Variants in COL21A1 observed in about 807,000 individuals in gnomAD.
COL21A1 encodes the protein collagen type XXI alpha 1 chain.
Under a neutral mutation model 137.9 loss-of-function variants are expected in COL21A1, and 149 were observed. The ratio of observed to expected loss-of-function variants is 1.08; its 90% confidence interval spans 0.95 to 1.24. The LOEUF (loss-of-function observed/expected upper bound fraction) is 1.24. Ranked by LOEUF, COL21A1 falls within the 50% of genes most tolerant of loss-of-function variation. The pLI is 0.00. For synonymous variants in COL21A1, 456 were observed against 391.5 expected (o/e 1.16, Z -1.95); for missense variants, 1,167 against 1,158.4 (o/e 1.01, Z -0.11).
chr6:56,355,220 G>A (rs548482025), intron 1 of COL21A1, among the ~76,000 whole-genome samples: 2 of 152,288 alleles, frequency 1.3e-5, no homozygotes, highest in South Asian at 4.1e-4. Flanking sequence ...ACCCGCTATG[G>A]AATAGTGCTG....
At chr6:56,170,004 A>G (rs747065695) in intron 5 of COL21A1, among the ~76,000 whole-genome samples, 1 of 151,912 alleles carries the variant, frequency 6.6e-6, no homozygotes, top group Admixed American at 6.6e-5. Context: ...ATGGCTTTAG[A>G]CTATCATAAT....
At chr6:56,193,041 C>A (rs1778797038) in intron 1 of COL21A1, among the ~76,000 whole-genome samples, 1 of 152,148 alleles carries the variant, frequency 6.6e-6, no homozygotes, top group Non-Finnish European at 1.5e-5. Flanking sequence ...CTGGGAATCA[C>A]CATTCTCGGC....
chr6:56,112,426 C>T (rs912052374), intron 16 of COL21A1, among the ~76,000 whole-genome samples: 5 of 152,170 alleles, frequency 3.3e-5, no homozygotes, highest in African/African-American at 7.2e-5. Context: ...TGAGCACTCA[C>T]AGTACCTGGT....
At chr6:56,067,393 A>G (rs1766362161) in intron 22 of COL21A1, 63 bp from the exon 23 acceptor site, 1 of 1,460,536 alleles carries the variant, frequency 6.8e-7, no homozygotes, top group Non-Finnish European at 9.5e-7. Context: ...TCAAATAAAC[A>G]TATATTTTTC....
chr6:56,077,780 T>C, intron 17 of COL21A1: 2 of 488,930 alleles, frequency 4.1e-6, no homozygotes, highest in Non-Finnish European at 7.2e-6. Flanking sequence ...TATTTAGAGC[T>C]TTAAATAAAG....
intron 20 of COL21A1, among the ~76,000 whole-genome samples, chr6:56,071,721 T>C (rs1005542607): frequency 3.3e-5 from 5 of 151,680 alleles, no homozygotes; most frequent in African/African-American, 7.3e-5. Flanking sequence ...TTTCTAATTT[T>C]ATAAGTTATT....
chr6:56,281,462 T>C (rs1763783693), intron 1 of COL21A1, among the ~76,000 whole-genome samples: 1 of 152,160 alleles, frequency 6.6e-6, no homozygotes, highest in Admixed American at 6.6e-5. Flanking sequence ...ACCACTATTA[T>C]CATTATCATC....
intron 1 of COL21A1, among the ~76,000 whole-genome samples, chr6:56,269,060 A>C (rs1034533896): frequency 5.3e-5 from 8 of 152,242 alleles, no homozygotes; most frequent in Non-Finnish European, 8.8e-5. Context: ...ACTCACATAA[A>C]AATAAATCAA....
chr6:56,122,039 G>A (rs895045703), intron 16 of COL21A1, among the ~76,000 whole-genome samples: 3 of 151,882 alleles, frequency 2.0e-5, no homozygotes, highest in Non-Finnish European at 4.4e-5. Context: ...TGAACCAAGT[G>A]ATATATTCCT....
chr6:56,319,773 G>A (rs1341237823), intron 1 of COL21A1, among the ~76,000 whole-genome samples: 1 of 152,118 alleles, frequency 6.6e-6, no homozygotes, highest in Non-Finnish European at 1.5e-5. Flanking sequence ...GAAAGCTTAG[G>A]AGTTTAGCCA....
intron 2 of COL21A1, among the ~76,000 whole-genome samples, chr6:56,182,221 T>C (rs1777953378): frequency 6.6e-6 from 1 of 152,160 alleles, no homozygotes; most frequent in Non-Finnish European, 1.5e-5. Flanking sequence ...ATAACCAATC[T>C]AGAAGGCTTT....
chr6:56,317,418 G>GTCA (rs1205821827), intron 1 of COL21A1, among the ~76,000 whole-genome samples: 17 of 152,102 alleles, frequency 1.1e-4, no homozygotes, highest in Non-Finnish European at 2.4e-4. Context: ...TTATATTGCA[G>GTCA]TCATCTTCAG....
intron 1 of COL21A1, among the ~76,000 whole-genome samples, chr6:56,212,904 C>T (rs1780260994): frequency 6.6e-6 from 1 of 151,904 alleles, no homozygotes; most frequent in African/African-American, 2.4e-5. Flanking sequence ...ACCTATGCTG[C>T]AAATGAAAGA....
chr6:56,368,055 T>C (rs754394273), intron 1 of COL21A1, among the ~76,000 whole-genome samples: 2 of 152,146 alleles, frequency 1.3e-5, no homozygotes, highest in Non-Finnish European at 2.9e-5. Flanking sequence ...CCAAAAGCAT[T>C]TGCGCACAAT....
chr6:56,134,352 C>T (rs1056664140), intron 12 of COL21A1, among the ~76,000 whole-genome samples: 7 of 152,096 alleles, frequency 4.6e-5, no homozygotes, highest in African/African-American at 1.4e-4. Flanking sequence ...TCAATTTCTC[C>T]CATTCGGAAT....
intron 1 of COL21A1, among the ~76,000 whole-genome samples, chr6:56,255,521 T>C (rs964441553): frequency 6.6e-6 from 1 of 152,214 alleles, no homozygotes; most frequent in South Asian, 2.1e-4. Flanking sequence ...CATTACATAC[T>C]GTTGTAAGGA....
intron 1 of COL21A1, among the ~76,000 whole-genome samples, chr6:56,267,708 C>A (rs1205019732): frequency 6.9e-6 from 1 of 144,746 alleles, no homozygotes; most frequent in African/African-American, 2.6e-5. Flanking sequence ...AGTGAGCCAA[C>A]ATCATGCCAT....
chr6:56,306,560 G>C (rs553026719), intron 1 of COL21A1, among the ~76,000 whole-genome samples: 1 of 151,390 alleles, frequency 6.6e-6, no homozygotes, highest in Non-Finnish European at 1.5e-5. Context: ...TGTAGTTCTC[G>C]TGCCTTGGTT....
chr6:56,076,241 T>G (rs1437877382), intron 18 of COL21A1, among the ~76,000 whole-genome samples: 1 of 151,366 alleles, frequency 6.6e-6, no homozygotes, highest in Non-Finnish European at 1.5e-5. Flanking sequence ...CTCAGCACTT[T>G]CAAATGGGGC....
Sources: allele counts gnomAD v4.1 joint callset (sites outside exome capture counted in the v4.1 genomes callset), GRCh38; gene constraint gnomAD v4.1.1; transcripts MANE v1.5; gene names NCBI Gene and HGNC (gene_info 2026-07-23, HGNC 2026-07-21).